The following TRANK1 variants were observed in gnomAD, a reference collection of about 807,000 sequenced individuals.
TRANK1 encodes the protein tetratricopeptide repeat and ankyrin repeat containing 1.
TRANK1 carries 198 observed loss-of-function variants against 266.0 expected under a neutral mutation model. The ratio of observed to expected loss-of-function variants is 0.74; its 90% CI spans 0.66 to 0.84. TRANK1 has a LOEUF of 0.84. Among genes scored for constraint, TRANK1 ranks in the 40% least tolerant of loss-of-function variants. The probability of loss-of-function intolerance (pLI) is 0.00; values close to 1 mark genes in which losing one functional copy is unlikely to be tolerated. For synonymous variants in TRANK1, 1,396 were observed against 1,384.1 expected (o/e 1.01, Z -0.19); for missense variants, 3,326 against 3,634.6 (o/e 0.92, Z 2.18).
intron 9 of TRANK1, among the ~76,000 whole-genome samples, chr3:36,867,503 T>G (rs1370212531): frequency 6.6e-6 from 1 of 152,192 alleles, no homozygotes; most frequent in African/African-American, 2.4e-5. Context: ...AGATGGAAAG[T>G]TGCTAAATAC....
intron 18 of TRANK1, among the ~76,000 whole-genome samples, chr3:36,839,084 G>C (rs1486533574): frequency 2.0e-5 from 3 of 152,202 alleles, no homozygotes; most frequent in Non-Finnish European, 4.4e-5. Flanking sequence ...CTGGCCCAAA[G>C]TTACCCAGTG....
intron 1 of TRANK1, among the ~76,000 whole-genome samples, chr3:36,911,464 CA>C (rs945624076): frequency 1.6e-4 from 24 of 147,700 alleles, no homozygotes; most frequent in East Asian, 1.6e-3. Context: ...TTTACAAATA[CA>C]AAAAAAAAAC....
chr3:36,842,412 A>G (rs72861149), intron 18 of TRANK1, among the ~76,000 whole-genome samples: 1,559 of 152,360 alleles, frequency 0.01, 21 homozygotes, highest in African/African-American at 0.035. Context: ...GCACTTGGCC[A>G]AAATGAAGAG....
At chr3:36,932,614 T>C (rs909627102) in intron 1 of TRANK1, among the ~76,000 whole-genome samples, 1 of 152,162 alleles carries the variant, frequency 6.6e-6, no homozygotes, top group African/African-American at 2.4e-5. Context: ...TATCAGAGTG[T>C]CAAAATATGC....
intron 10 of TRANK1, among the ~76,000 whole-genome samples, chr3:36,863,042 T>C (rs532098426): frequency 9.9e-5 from 15 of 151,370 alleles, no homozygotes; most frequent in African/African-American, 3.4e-4. Flanking sequence ...CAGAAAAAAG[T>C]TAAAAAGGTT....
intron 4 of TRANK1, among the ~76,000 whole-genome samples, chr3:36,898,403 C>G (rs546160045): frequency 1.3e-5 from 2 of 151,360 alleles, no homozygotes; most frequent in African/African-American, 4.9e-5. Context: ...GAGCAAAGAT[C>G]GTGCCATTGC....
At chr3:36,899,374 G>T in intron 3 of TRANK1, 115 bp from the exon 4 acceptor site, 1 of 1,182,152 alleles carries the variant, frequency 8.5e-7, no homozygotes, top group South Asian at 1.6e-5. Flanking sequence ...CTGACTTCTG[G>T]CTGGGCACAG....
rs747817353 is a variant in TRANK1 at position 36,857,704 on chromosome 3, G to A, written c.2018C>T (p.Pro673Leu). Reference sequence around the variant, plus strand: ...GGACTTGAGCTGAGATGTGTGACCAGGGGCAGTGGACTTTGAGAGCTTCCC... The same window carrying A: ...GGACTTGAGCTGAGATGTGTGACCAAGGGCAGTGGACTTTGAGAGCTTCCC... ...HLGKLSKSTA[P>L]GHTSQLKSQG... Residue 673 changes from proline to leucine, a missense_variant, in exon 13 of 24, where the codon CCT becomes CTT. Transcript: ENST00000645898. This position sits in a 1 kb window ranked among gnomAD's most constrained non-coding sequence, Gnocchi z 4.3. The A allele has an allele frequency of 8.1e-6, 13 of 1,614,006 alleles. No homozygotes were observed. In the South Asian group the frequency reaches 1.4e-4, roughly 18 times the overall value.
At chr3:36,877,877 C>T (rs1220614767) in intron 8 of TRANK1, among the ~76,000 whole-genome samples, 2 of 152,172 alleles carry the variant, frequency 1.3e-5, no homozygotes, top group African/African-American at 4.8e-5. Flanking sequence ...AAATAATAAA[C>T]AATATACAGT....
chr3:36,897,908 G>A (rs572237104), intron 4 of TRANK1, among the ~76,000 whole-genome samples: 24 of 152,248 alleles, frequency 1.6e-4, no homozygotes, highest in African/African-American at 5.8e-4. Flanking sequence ...CCTGATCTGG[G>A]CCACCAACAA....
chr3:36,896,649 G>A (rs2079794671), intron 4 of TRANK1, among the ~76,000 whole-genome samples: 1 of 152,142 alleles, frequency 6.6e-6, no homozygotes, highest in African/African-American at 2.4e-5. Context: ...AGAAGCAGTT[G>A]TTTGGAATTC....
chr3:36,937,115 T>C (rs1010694871), intron 1 of TRANK1, among the ~76,000 whole-genome samples: 3 of 152,130 alleles, frequency 2.0e-5, no homozygotes, highest in Middle Eastern at 6.8e-3. Flanking sequence ...TATAAATAAA[T>C]AAATGGCAAA....
intron 9 of TRANK1, 69 bp downstream of exon 9, chr3:36,874,057 A>C (rs1477533347): frequency 7.2e-7 from 1 of 1,398,144 alleles, no homozygotes; most frequent in African/African-American, 1.4e-5. Context: ...AAAGAGATAA[A>C]CTGATTTGTA....
chr3:36,849,921 T>C lies in TRANK1; in HGVS notation c.4887+1798A>G, dbSNP rs577296062. ...AGTGGATGTTTACAAAAGATTCTGT[T>C]TGGGATTGTTTTAGTTTCAGGCAAC... On this transcript the variant is annotated intron_variant, in intron 15 of 23. Transcript: ENST00000645898. 981 of 590,410 alleles carry C rather than the reference T, an allele frequency of 1.7e-3. 1 individual carries two copies. The highest frequency in any genetic ancestry group is 1.9e-3 in the Non-Finnish European group (874 of 469,560). The allele number at this position is 590,410 out of a possible 1,614,324, so 36.6% of individuals were successfully genotyped here. A position where few individuals can be genotyped will look rare whatever the true frequency, so the allele number is the denominator to read the frequency against.
rs746188017 is a variant in TRANK1, at chr3:36,903,231, T to G, written c.200A>C (p.Asn67Thr). ...CCACTTCCCAAGGCTGAAAAATGCATTTGATTTGTTGCACAGCAGCACAGC... is the reference window on the plus strand; with the variant it reads ...CCACTTCCCAAGGCTGAAAAATGCAGTTGATTTGTTGCACAGCAGCACAGC... ...DLAVLLCNKS[N>T]AFFSLGKWNE... The change falls in exon 3 of 24, where the codon AAT (asparagine) becomes ACT (threonine). Residue 67 changes from asparagine to threonine, a missense_variant. Asn to Thr is a moderately conservative substitution (Grantham distance 65). Coordinates refer to ENST00000645898, the MANE Select transcript of TRANK1 (RefSeq NM_001329998.2). 2.6e-6 allele frequency: 4 copies of G among 1,537,318 alleles called. No homozygotes were observed. In the South Asian group the frequency reaches 4.8e-5, roughly 18 times the overall value.
chr3:36,902,382 T>C (rs532134514), intron 3 of TRANK1, among the ~76,000 whole-genome samples: 9 of 152,224 alleles, frequency 5.9e-5, no homozygotes, highest in Non-Finnish European at 1.2e-4. Flanking sequence ...CATTATGTGT[T>C]GCTTCAGATG....
chr3:36,904,152 C>T (rs1036917668), intron 2 of TRANK1, among the ~76,000 whole-genome samples: 69 of 150,606 alleles, frequency 4.6e-4, no homozygotes, highest in Non-Finnish European at 6.9e-4. Context: ...GATGGGGTTT[C>T]ACCATGTTGG....
chr3:36,881,902 T>C (rs2079537667), intron 8 of TRANK1, among the ~76,000 whole-genome samples: 2 of 152,340 alleles, frequency 1.3e-5, no homozygotes, highest in South Asian at 2.1e-4. Context: ...TCTTCCTCCG[T>C]GTTGTAGCAT....
At chr3:36,876,902 C>A (rs1256374937) in intron 8 of TRANK1, among the ~76,000 whole-genome samples, 2 of 152,182 alleles carry the variant, frequency 1.3e-5, no homozygotes, top group Non-Finnish European at 2.9e-5. Flanking sequence ...CTAACCATAT[C>A]TAGACGGGTT....
Sources: gnomAD v4.1 joint callset for allele counts (sites outside exome capture counted in the v4.1 genomes callset) on GRCh38, gnomAD v4.1.1 for gene constraint, Gnocchi (gnomAD v3.1) non-coding constraint, MANE v1.5 for transcripts, NCBI Gene and HGNC (gene_info 2026-07-23, HGNC 2026-07-21) for gene names.